CRYBG1: variants seen among roughly 807,000 people sequenced by gnomAD.
The protein encoded by CRYBG1 is crystallin beta-gamma domain containing 1.
A neutral mutation model predicts 189.2 loss-of-function variants in CRYBG1; 139 were observed. The ratio of observed to expected loss-of-function variants is 0.73; its 90% CI spans 0.64 to 0.85. The LOEUF (loss-of-function observed/expected upper bound fraction) is 0.85. CRYBG1 is among the 40% of genes least tolerant of loss of function. The pLI, the probability that CRYBG1 is intolerant of heterozygous loss-of-function variation, is 0.00. For synonymous variants in CRYBG1, 1,023 were observed against 1,017.1 expected (o/e 1.01, Z -0.11); for missense variants, 2,611 against 2,675.8 (o/e 0.98, Z 0.53).
At chr6:106,492,293 C>T (rs918537221) in intron 2 of CRYBG1, among the ~76,000 whole-genome samples, 1 of 152,066 alleles carries the variant, frequency 6.6e-6, no homozygotes, top group Admixed American at 6.6e-5. Context: ...ATAGAAGATA[C>T]TAATTGTTTC....
chr6:106,416,002 G>A (rs982526801), intron 1 of CRYBG1, among the ~76,000 whole-genome samples: 3 of 152,132 alleles, frequency 2.0e-5, no homozygotes, highest in African/African-American at 7.2e-5. Context: ...AATCAAGAAA[G>A]CATAAGCCTG....
chr6:106,377,729 T>C (rs1008575942), intron 1 of CRYBG1, among the ~76,000 whole-genome samples: 2 of 151,846 alleles, frequency 1.3e-5, no homozygotes, highest in African/African-American at 2.4e-5. Flanking sequence ...GCTGATCAGA[T>C]ATTCACATTA....
At chr6:106,492,993 G>A (rs548586031) in intron 2 of CRYBG1, among the ~76,000 whole-genome samples, 2 of 150,702 alleles carry the variant, frequency 1.3e-5, no homozygotes, top group African/African-American at 2.4e-5. Context: ...TTTACTTTTA[G>A]GAGAGCCTGT....
intron 1 of CRYBG1, among the ~76,000 whole-genome samples, chr6:106,444,780 G>C (rs1771632731): frequency 6.6e-6 from 1 of 152,202 alleles, no homozygotes; most frequent in Non-Finnish European, 1.5e-5. Flanking sequence ...GGTCAGGTGT[G>C]AGGGGGAACT....
chr6:106,454,142 A>G (rs1771838573), intron 2 of CRYBG1, among the ~76,000 whole-genome samples: 1 of 151,958 alleles, frequency 6.6e-6, no homozygotes, highest in Admixed American at 6.5e-5. Context: ...CCCCATCTCC[A>G]TCATCCCTTC....
chr6:106,522,246 CT>C (rs1773626955), intron 4 of CRYBG1, among the ~76,000 whole-genome samples: 1 of 152,232 alleles, frequency 6.6e-6, no homozygotes, highest in Non-Finnish European at 1.5e-5. Context: ...ATCCTTCTCT[CT>C]GTGAGATTCA....
chr6:106,406,583 C>T (rs1770830595), intron 1 of CRYBG1, among the ~76,000 whole-genome samples: 1 of 152,186 alleles, frequency 6.6e-6, no homozygotes, highest in Admixed American at 6.5e-5. Context: ...GACACATAAT[C>T]ATCAGATTCA....
chr6:106,521,141 C>A lies in CRYBG1; in HGVS notation c.3933C>A (p.Val1311=). ...SNLLPDNSLK[V]FNFNSSSTSH... The stretch of plus-strand genomic sequence containing the variant: ...TTCTGCCCGACAACTCCTTAAAGGT[C>A]TTCAATTTCAACTCGTCAAGTACAT... Residue 1311 remains valine (V), a synonymous_variant, in exon 4 of 22, where the codon GTC becomes GTA. Transcript: ENST00000633556. 6.2e-7 allele frequency: 1 copy of A among 1,614,140 alleles called. No individual in the cohort carries two copies. The highest frequency in any genetic ancestry group is 8.5e-7 in the Non-Finnish European group (1 of 1,180,028).
At chr6:106,373,542 C>A (rs748819957) in intron 1 of CRYBG1, among the ~76,000 whole-genome samples, 8 of 152,138 alleles carry the variant, frequency 5.3e-5, no homozygotes, top group Non-Finnish European at 7.4e-5. Flanking sequence ...TGTAAATAAT[C>A]TTTGTCTTTA....
intron 1 of CRYBG1, among the ~76,000 whole-genome samples, chr6:106,366,497 T>A (rs912496175): frequency 6.6e-6 from 1 of 151,422 alleles, no homozygotes; most frequent in Non-Finnish European, 1.5e-5. Flanking sequence ...AAATATATAT[T>A]TTTTAAAAAT....
chr6:106,394,390 T>C (rs988672211), intron 1 of CRYBG1, among the ~76,000 whole-genome samples: 1 of 152,260 alleles, frequency 6.6e-6, no homozygotes, highest in African/African-American at 2.4e-5. Flanking sequence ...CTGCGTCATG[T>C]TCATTTCCGT....
At chr6:106,404,488 G>T (rs565675295) in intron 1 of CRYBG1, among the ~76,000 whole-genome samples, 2 of 152,232 alleles carry the variant, frequency 1.3e-5, no homozygotes, top group Admixed American at 1.3e-4. Flanking sequence ...TTCATAAAAA[G>T]AAATATTCTA....
At chr6:106,436,845 C>T (rs1249045211) in intron 1 of CRYBG1, among the ~76,000 whole-genome samples, 1 of 152,032 alleles carries the variant, frequency 6.6e-6, no homozygotes, top group African/African-American at 2.4e-5. Flanking sequence ...GGTATAGTAG[C>T]ATTTTAAGTC....
At chr6:106,365,573 C>A (rs1771971575) in intron 1 of CRYBG1, among the ~76,000 whole-genome samples, 1 of 151,238 alleles carries the variant, frequency 6.6e-6, no homozygotes, top group South Asian at 2.1e-4. Flanking sequence ...CGGGTGTGAG[C>A]CACCACATGT....
chr6:106,492,830 G>A (rs1361237922), intron 2 of CRYBG1, among the ~76,000 whole-genome samples: 1 of 152,100 alleles, frequency 6.6e-6, no homozygotes, highest in East Asian at 1.9e-4. Context: ...CTGCAAAGCT[G>A]GCAACCAATA....
chr6:106,466,336 C>G (rs937638910), intron 2 of CRYBG1, among the ~76,000 whole-genome samples: 1 of 152,134 alleles, frequency 6.6e-6, no homozygotes, highest in Admixed American at 6.5e-5. Context: ...ATTCAAGTAC[C>G]CATGTGCTCA....
intron 2 of CRYBG1, among the ~76,000 whole-genome samples, chr6:106,456,273 C>T (rs1771886237): frequency 6.6e-6 from 1 of 151,990 alleles, no homozygotes; most frequent in African/African-American, 2.4e-5. Flanking sequence ...GCTGCCTCAG[C>T]CTCCCTACTA....
chr6:106,480,608 A>G (rs139408657), intron 2 of CRYBG1, among the ~76,000 whole-genome samples: 2,482 of 151,938 alleles, frequency 0.016, 71 homozygotes, highest in African/African-American at 0.056. Flanking sequence ...CGGAGGTTGC[A>G]GTGAGCTGAG....
Position 106,525,345 on chromosome 6 carries a change from G to C in CRYBG1, c.4371G>C (p.Trp1457Cys), listed in dbSNP as rs1387598764. Reference sequence around the variant, plus strand: ...GTGACATTCAGGATTGCAGTTCTTGGAGCCTCTCTCCAGTGATACTCATAA... The same window carrying C: ...GTGACATTCAGGATTGCAGTTCTTGCAGCCTCTCTCCAGTGATACTCATAA... ...VFSDIQDCSSWSLSPVILIKV... is the reference protein window; with the variant it reads ...VFSDIQDCSSCSLSPVILIKV... The change falls in exon 6 of 22, where the codon TGG (tryptophan) becomes TGC (cysteine). Residue 1457 changes from tryptophan to cysteine, a missense_variant. By Grantham distance (215) the Trp-to-Cys change is radical. Coordinates refer to ENST00000633556, the MANE Select transcript of CRYBG1 (RefSeq NM_001371242.2). 1.2e-6 allele frequency: 2 copies of C among 1,614,162 alleles called. No homozygotes were observed. Among genetic ancestry groups the C allele is most frequent in the South Asian group, 2.2e-5 (2 of 91,082 alleles).
Sources: gnomAD v4.1 joint callset for allele counts (sites outside exome capture counted in the v4.1 genomes callset) on GRCh38, gnomAD v4.1.1 for gene constraint, MANE v1.5 for transcripts, NCBI Gene and HGNC (gene_info 2026-07-23, HGNC 2026-07-21) for gene names.